The following YTHDF2 variants were observed in gnomAD, a reference collection of about 807,000 sequenced individuals.
YTHDF2 encodes the protein YTH domain-containing family protein 2.
Under a neutral mutation model 50.4 loss-of-function variants are expected in YTHDF2, and 2 were observed. The observed-to-expected ratio is 0.04, with a 90% confidence interval of 0.02 to 0.12. YTHDF2 has a LOEUF of 0.12. YTHDF2 is among the 10% of genes least tolerant of loss of function. The pLI is 1.00. For missense variants in YTHDF2, 483 were observed against 722.6 expected, an observed-to-expected ratio of 0.67 and a Z score of 3.80; for synonymous variants, 217 against 255.6, an observed-to-expected ratio of 0.85 and a Z score of 1.44.
chr1:28,736,973 C>T lies in YTHDF2; in HGVS notation c.-148C>T, dbSNP rs1020469205. The stretch of plus-strand genomic sequence containing the variant: ...GCCGAGTCGGAGCCGGAGCCTGAGC[C>T]GCGCGCTGTGTCTCCGCTGCGTCCG... On this transcript the variant is annotated 5_prime_UTR_variant, in exon 1 of 5. Transcript: ENST00000373812. 3.0e-6 allele frequency: 3 copies of T among 989,500 alleles called. No homozygotes were observed. In the African/African-American group the frequency reaches 5.0e-5, roughly 17 times the overall value. 61.3% of individuals were successfully genotyped at this position (989,500 alleles called of 1,614,324 possible).
At chr1:28,764,395 C>A (rs898755554) in intron 4 of YTHDF2, among the ~76,000 whole-genome samples, 2 of 152,080 alleles carry the variant, frequency 1.3e-5, no homozygotes, top group Non-Finnish European at 2.9e-5. Context: ...CTCAGCCTCC[C>A]AAATGGCTGG....
At position 28,743,947 on chromosome 1, in the gene YTHDF2, C is replaced by T. The variant is rs779191880; in HGVS notation, c.1677C>T (p.His559=). Residue 559 remains histidine (H), a synonymous_variant, in exon 4 of 5, where the codon CAC becomes CAT. Coordinates refer to ENST00000373812, the MANE Select transcript of YTHDF2 (RefSeq NM_016258.3). The surrounding 1 kb of genome is among the most constrained non-coding windows in gnomAD (Gnocchi z 6.9). ...HTTSIFDDFS[H]YEKRQEEEES... is the part of the protein sequence containing the mutation. The stretch of plus-strand genomic sequence containing the variant: ...CTTCCATTTTTGATGACTTCTCACA[C>T]TATGAGAAACGCCAAGAGGAAGAAG... The T allele has an allele frequency of 9.0e-6, 14 of 1,562,966 alleles. No homozygotes were observed. In the Admixed American group the frequency reaches 2.7e-4, roughly 30 times the overall value.
chr1:28,764,448 G>GT (rs533159023), intron 4 of YTHDF2, among the ~76,000 whole-genome samples: 150 of 146,380 alleles, frequency 1.0e-3, no homozygotes, highest in African/African-American at 2.7e-3. Flanking sequence ...TTTTTTTTTT[G>GT]TTTTTTTTAG....
intron 4 of YTHDF2, among the ~76,000 whole-genome samples, chr1:28,753,409 G>A (rs1282953809): frequency 8.3e-6 from 1 of 121,144 alleles, no homozygotes; most frequent in African/African-American, 2.8e-5. Flanking sequence ...TCAGCCAGGT[G>A]TGATGAGGCA....
chr1:28,743,187 C>T lies in YTHDF2; in HGVS notation c.917C>T (p.Pro306Leu). ...IGQPTQGSPQPVGQQANNSPP... is the reference protein window; with the variant it reads ...IGQPTQGSPQLVGQQANNSPP... ...CAGCCAACCCAGGGGTCTCCTCAGC[C>T]TGTAGGTCAGCAGGCTAACAATAGC... The change falls in exon 4 of 5, where the codon CCT (proline) becomes CTT (leucine). Residue 306 changes from proline (P) to leucine (L), a missense_variant. Coordinates refer to ENST00000373812, the MANE Select transcript of YTHDF2 (RefSeq NM_016258.3). The surrounding 1 kb of genome is among the most constrained non-coding windows in gnomAD (Gnocchi z 6.9). 1 of 1,614,158 alleles carries T rather than the reference C, an allele frequency of 6.2e-7. No individual in the cohort carries two copies. Among genetic ancestry groups the T allele is most frequent in the Non-Finnish European group, 8.5e-7 (1 of 1,180,038 alleles).
intron 4 of YTHDF2, among the ~76,000 whole-genome samples, chr1:28,758,129 G>C (rs1331783099): frequency 6.6e-6 from 1 of 152,032 alleles, no homozygotes; most frequent in Non-Finnish European, 1.5e-5. Flanking sequence ...TAACTGGCCG[G>C]GTGTGGTGGT....
chr1:28,746,199 T>A (rs910105498), intron 4 of YTHDF2, among the ~76,000 whole-genome samples: 1 of 152,150 alleles, frequency 6.6e-6, no homozygotes, highest in East Asian at 1.9e-4. Context: ...CATAGCAGAT[T>A]TATAGACGTC....
intron 3 of YTHDF2, 113 bp downstream of exon 3, chr1:28,738,451 T>G: frequency 9.7e-7 from 1 of 1,031,690 alleles, no homozygotes. Context: ...TTTTTCTGTT[T>G]TCTGTTTTTT....
chr1:28,747,709 C>A (rs959119052), intron 4 of YTHDF2, among the ~76,000 whole-genome samples: 3 of 150,928 alleles, frequency 2.0e-5, no homozygotes, highest in Non-Finnish European at 4.4e-5. Flanking sequence ...TGAGCCACCA[C>A]GCCCAGCCCA....
At chr1:28,766,273 A>T (rs648759) in intron 4 of YTHDF2, among the ~76,000 whole-genome samples, 1 of 25,812 alleles carries the variant, frequency 3.9e-5, no homozygotes, top group Non-Finnish European at 9.0e-5. Flanking sequence ...GTGTGTGTGT[A>T]TGTGTGTATG....
chr1:28,767,307 AT>A (rs1336281690), intron 4 of YTHDF2, among the ~76,000 whole-genome samples: 1 of 152,002 alleles, frequency 6.6e-6, no homozygotes, highest in Non-Finnish European at 1.5e-5. Flanking sequence ...GCTGTTTTGA[AT>A]TTTTTCTTGA....
chr1:28,760,255 C>T (rs2088098855), intron 4 of YTHDF2, among the ~76,000 whole-genome samples: 1 of 150,388 alleles, frequency 6.6e-6, no homozygotes, highest in Non-Finnish European at 1.5e-5. Context: ...AATATATAAG[C>T]CAATAACATA....
chr1:28,747,519 T>A (rs1181537287), intron 4 of YTHDF2, among the ~76,000 whole-genome samples: 1 of 128,366 alleles, frequency 7.8e-6, no homozygotes, highest in Non-Finnish European at 1.7e-5. Flanking sequence ...GAGCAAAACT[T>A]GTCTAAAAAA....
At chr1:28,763,630 T>C (rs1282609052) in intron 4 of YTHDF2, among the ~76,000 whole-genome samples, 1 of 151,988 alleles carries the variant, frequency 6.6e-6, no homozygotes, top group Non-Finnish European at 1.5e-5. Flanking sequence ...TAATTTTTTG[T>C]ATTTTTAGCA....
intron 4 of YTHDF2, among the ~76,000 whole-genome samples, chr1:28,755,476 C>G (rs2088023822): frequency 1.3e-5 from 2 of 152,088 alleles, no homozygotes; most frequent in African/African-American, 4.8e-5. Flanking sequence ...CTCAGTTTTA[C>G]TGATGAAAAC....
At chr1:28,759,195 A>G (rs1439120930) in intron 4 of YTHDF2, among the ~76,000 whole-genome samples, 1 of 152,154 alleles carries the variant, frequency 6.6e-6, no homozygotes, top group African/African-American at 2.4e-5. Context: ...ATTTGGGTGT[A>G]TAAAGTTGAT....
chr1:28,752,545 C>T (rs1244845019), intron 4 of YTHDF2, among the ~76,000 whole-genome samples: 1 of 152,158 alleles, frequency 6.6e-6, no homozygotes, highest in African/African-American at 2.4e-5. Context: ...CTGCCTGCCT[C>T]GGCCTCCCAA....
intron 4 of YTHDF2, among the ~76,000 whole-genome samples, chr1:28,746,906 A>G (rs1006017308): frequency 9.9e-5 from 15 of 151,500 alleles, no homozygotes; most frequent in African/African-American, 3.6e-4. Context: ...ACATGGAGAA[A>G]CCCTGTCTCT....
intron 1 of YTHDF2, 119 bp downstream of exon 1, chr1:28,737,266 A>C: frequency 7.4e-7 from 1 of 1,354,986 alleles, no homozygotes; most frequent in Non-Finnish European, 9.8e-7. Context: ...CTTGCGGGCC[A>C]GGTTTCGGGC....
Sources: gnomAD v4.1 joint callset for allele counts (sites outside exome capture counted in the v4.1 genomes callset) on GRCh38, gnomAD v4.1.1 for gene constraint, Gnocchi (gnomAD v3.1) non-coding constraint, MANE v1.5 for transcripts, NCBI Gene and HGNC (gene_info 2026-07-23, HGNC 2026-07-21) for gene names.